Variants in APBA2 observed in about 807,000 individuals in gnomAD.
APBA2 encodes the protein amyloid-beta A4 precursor protein-binding family A member 2.
Under a neutral mutation model 75.0 loss-of-function variants are expected in APBA2, and 30 were observed. The observed-to-expected ratio is 0.40, with a 90% confidence interval of 0.30 to 0.54. The LOEUF is 0.54. Among genes scored for constraint, APBA2 ranks in the 20% least tolerant of loss-of-function variants. The pLI, the probability that APBA2 is intolerant of heterozygous loss-of-function variation, is 0.49. For missense variants in APBA2, 801 were observed against 1,016.1 expected (o/e 0.79, Z 2.88); for synonymous variants, 444 against 409.6 (o/e 1.08, Z -1.01).
chr15:28,931,137 G>C (rs1330073841), intron 2 of APBA2, among the ~76,000 whole-genome samples: 1 of 152,244 alleles, frequency 6.6e-6, no homozygotes, highest in Non-Finnish European at 1.5e-5. Context: ...GAAAGTCCCT[G>C]CTCCTCTTCT....
At chr15:29,050,473 T>C (rs1444853285) in intron 3 of APBA2, among the ~76,000 whole-genome samples, 1 of 152,196 alleles carries the variant, frequency 6.6e-6, no homozygotes, top group East Asian at 1.9e-4. Flanking sequence ...GTCCAAATTA[T>C]ATTGTTGTCG....
intron 2 of APBA2, among the ~76,000 whole-genome samples, chr15:28,934,916 A>G (rs992018335): frequency 1.3e-5 from 2 of 152,136 alleles, no homozygotes; most frequent in African/African-American, 4.8e-5. Context: ...GAGCCCGGAG[A>G]CCTGGGTGTC....
Position 29,054,688 on chromosome 15 carries a change from C to G in APBA2, c.804C>G (p.Ile268Met). The change falls in exon 4 of 15, where the codon ATC becomes ATG. Residue 268 changes from isoleucine to methionine, a missense_variant. Around this residue, in one of 2 missense-constraint regions of APBA2, gnomAD observed 434 missense variants for 471.6 expected, o/e 0.92. Coordinates refer to ENST00000683413, the MANE Select transcript of APBA2 (RefSeq NM_001353788.2). This position sits in a 1 kb window ranked among gnomAD's most constrained non-coding sequence, Gnocchi z 6.1. ...PEDSVEACPPIKASCSPSRHE... is the reference protein window; with the variant it reads ...PEDSVEACPPMKASCSPSRHE... ...ACTCTGTAGAGGCCTGCCCACCCAT[C>G]AAGGCCAGCTGCAGCCCCAGCAGGC... is the stretch of plus-strand genomic sequence containing the variant. 6.2e-7 allele frequency: 1 copy of G among 1,614,008 alleles called. No individual in the cohort carries two copies. The highest frequency in any genetic ancestry group is 8.5e-7 in the Non-Finnish European group (1 of 1,180,000).
chr15:29,105,192 G>A (rs2044332156), intron 10 of APBA2, among the ~76,000 whole-genome samples, 187 bp from the exon 11 acceptor site: 1 of 152,160 alleles, frequency 6.6e-6, no homozygotes, highest in Non-Finnish European at 1.5e-5. Flanking sequence ...GAGTGCTGGT[G>A]GGAGACAGCC....
intron 3 of APBA2, among the ~76,000 whole-genome samples, chr15:28,999,184 C>T (rs532986128): frequency 1.3e-5 from 2 of 150,008 alleles, no homozygotes; most frequent in Non-Finnish European, 3.0e-5. Context: ...AATGTAAAGA[C>T]AAAAATGTTA....
At chr15:28,931,694 C>A (rs1159161188) in intron 2 of APBA2, among the ~76,000 whole-genome samples, 1 of 152,118 alleles carries the variant, frequency 6.6e-6, no homozygotes, top group African/African-American at 2.4e-5. Flanking sequence ...TGGTTGTTTT[C>A]CGGAGTTTGG....
At chr15:29,038,594 ACT>A (rs1476623793) in intron 3 of APBA2, among the ~76,000 whole-genome samples, 1 of 148,232 alleles carries the variant, frequency 6.7e-6, no homozygotes, top group Non-Finnish European at 1.5e-5. Context: ...AGAAGCCCAG[ACT>A]CTGTCTGGAG....
intron 1 of APBA2, among the ~76,000 whole-genome samples, chr15:28,901,908 ATGTGTGTG>A (rs766260051): frequency 8.9e-5 from 6 of 67,378 alleles, no homozygotes; most frequent in Non-Finnish European, 1.6e-4. Context: ...GGAGCTTTTG[ATGTGTGTG>A]TGTGTGTGTG....
Position 29,117,497 on chromosome 15 carries a change from G to A in APBA2, c.*364G>A, listed in dbSNP as rs529123609. On this transcript the variant is annotated 3_prime_UTR_variant, in exon 15 of 15. Coordinates refer to ENST00000683413, the MANE Select transcript of APBA2 (RefSeq NM_001353788.2). Reference sequence around the variant, plus strand: ...GCGAACTGGCGCCTCCGAGGGACGCGGCTCCCGGGGCAGGGCAGCCGTCAC... The same window carrying A: ...GCGAACTGGCGCCTCCGAGGGACGCAGCTCCCGGGGCAGGGCAGCCGTCAC... 9.1e-4 allele frequency: 269 copies of A among 294,038 alleles called. No homozygotes were observed. Among genetic ancestry groups the A allele is most frequent in the African/African-American group, 5.4e-3 (247 of 45,536 alleles). 18.2% of individuals were successfully genotyped at this position (294,038 alleles called of 1,614,324 possible). A position where few individuals can be genotyped will look rare whatever the true frequency, so the allele number is the denominator to read the frequency against.
intron 1 of APBA2, among the ~76,000 whole-genome samples, chr15:28,902,281 A>G (rs2032910268): frequency 6.6e-6 from 1 of 152,058 alleles, no homozygotes; most frequent in East Asian, 1.9e-4. Flanking sequence ...TTCCTTCTGT[A>G]TCCGTCCTCC....
chr15:29,068,211 C>G (rs2042460964), intron 4 of APBA2, among the ~76,000 whole-genome samples: 1 of 152,188 alleles, frequency 6.6e-6, no homozygotes, highest in Non-Finnish European at 1.5e-5. Flanking sequence ...TGAATTTTAG[C>G]CCCAGTAGGT....
chr15:29,117,646 TG>T lies in APBA2; in HGVS notation c.*514del, dbSNP rs1297509556. On this transcript the variant is annotated 3_prime_UTR_variant, in exon 15 of 15. Transcript: ENST00000683413. The stretch of plus-strand genomic sequence containing the variant: ...GCAGCCTGGCTCCCAGGACACGACT[TG>T]TAATGAAAGTTTGGGGACATGTGAT... The T allele has an allele frequency of 6.2e-6, 1 of 161,106 alleles. No individual in the cohort carries two copies. The highest frequency in any genetic ancestry group is 2.4e-5 in the African/African-American group (1 of 40,968). 10.0% of individuals were successfully genotyped at this position (161,106 alleles called of 1,614,324 possible). A position where few individuals can be genotyped will look rare whatever the true frequency, so the allele number is the denominator to read the frequency against.
chr15:29,117,036 GCT>G (rs772247187), intron 14 of APBA2, 24 bp from the exon 15 acceptor site: 1 of 1,611,558 alleles, frequency 6.2e-7, no homozygotes, highest in Non-Finnish European at 8.5e-7. Flanking sequence ...GAGGGCAGCG[GCT>G]CAGCCTCCTG....
chr15:28,904,570 G>A (rs1402722639), intron 1 of APBA2, among the ~76,000 whole-genome samples: 1 of 152,214 alleles, frequency 6.6e-6, no homozygotes, highest in Non-Finnish European at 1.5e-5. Flanking sequence ...CAGTGAGAGT[G>A]AGGGGTTGCC....
chr15:28,948,898 TG>T (rs763906553), intron 2 of APBA2, among the ~76,000 whole-genome samples: 76 of 109,974 alleles, frequency 6.9e-4, no homozygotes, highest in Non-Finnish European at 1.2e-3. Context: ...GCTGGGGGGT[TG>T]GTGAGGATAG....
At chr15:28,906,289 G>A (rs2033129630) in intron 1 of APBA2, among the ~76,000 whole-genome samples, 1 of 152,168 alleles carries the variant, frequency 6.6e-6, no homozygotes, top group South Asian at 2.1e-4. Flanking sequence ...GGAATACTAT[G>A]CAGCCATAAG....
chr15:29,103,784 TCAGGCGGAGA>T (rs2044253830), intron 10 of APBA2, among the ~76,000 whole-genome samples: 1 of 152,178 alleles, frequency 6.6e-6, no homozygotes, highest in South Asian at 2.1e-4. Flanking sequence ...GGTGGCCTCG[TCAGGCGGAGA>T]CAGAAGCAGA....
At chr15:29,108,653 C>T in intron 13 of APBA2, 1 of 580,484 alleles carries the variant, frequency 1.7e-6, no homozygotes, top group South Asian at 2.0e-5. Flanking sequence ...TGGTGGTTGT[C>T]CCCTGCTTTG....
chr15:28,898,142 C>A (rs763144359), intron 1 of APBA2, among the ~76,000 whole-genome samples: 2 of 152,298 alleles, frequency 1.3e-5, no homozygotes, highest in Admixed American at 6.5e-5. Flanking sequence ...CTGCCAACAG[C>A]TTGATTTCAG....
Sources: gnomAD v4.1 joint callset for allele counts (sites outside exome capture counted in the v4.1 genomes callset) on GRCh38, gnomAD v4.1.1 for gene constraint, gnomAD v4.1.1 regional missense constraint, Gnocchi (gnomAD v3.1) non-coding constraint, MANE v1.5 for transcripts, NCBI Gene and HGNC (gene_info 2026-07-23, HGNC 2026-07-21) for gene names.